ARHGAP15: variants seen among roughly 807,000 people sequenced by gnomAD.
The protein encoded by ARHGAP15 is Rho GTPase activating protein 15.
ARHGAP15 carries 51 observed loss-of-function variants against 63.7 expected under a neutral mutation model. The observed-to-expected ratio is 0.80, with a 90% CI of 0.64 to 1.01. The LOEUF (loss-of-function observed/expected upper bound fraction) is 1.01, where lower values mean the gene tolerates loss of function less well. Ranked by LOEUF, ARHGAP15 falls within the 50% of genes least tolerant of loss-of-function variation. ARHGAP15 has a pLI of 0.00. For missense variants in ARHGAP15, 560 were observed against 564.6 expected (o/e 0.99, Z 0.08); for synonymous variants, 191 against 193.8 (o/e 0.99, Z 0.12).
intron 13 of ARHGAP15, among the ~76,000 whole-genome samples, chr2:143,760,249 AAAAG>A: frequency 6.6e-6 from 1 of 152,320 alleles, no homozygotes; most frequent in East Asian, 1.9e-4. Context: ...TATCATCAAA[AAAAG>A]AAATTAAAGC....
chr2:143,197,816 A>G (rs1015200645), intron 2 of ARHGAP15, among the ~76,000 whole-genome samples: 1 of 152,096 alleles, frequency 6.6e-6, no homozygotes, highest in Admixed American at 6.6e-5. Context: ...GAGTATTAAG[A>G]TGATTCACAA....
At position 143,586,127 on chromosome 2, in the gene ARHGAP15, G is replaced by A. The variant is rs1237871761; in HGVS notation, c.1003+29642G>A. 3.9e-5 allele frequency among the ~76,000 whole-genome samples: 6 copies of A among 152,094 alleles called. No homozygotes were observed. The East Asian group carries it at 9.7e-4, about 25-fold the overall frequency. ...TCAGTGTTGCTGTGAAGTTCTCTGAGGTCATTCCTCCCACCACCACCCCCT... is the reference window on the plus strand; with the variant it reads ...TCAGTGTTGCTGTGAAGTTCTCTGAAGTCATTCCTCCCACCACCACCCCCT... On this transcript the variant is annotated intron_variant, in intron 11 of 13. Coordinates refer to ENST00000295095, the MANE Select transcript of ARHGAP15 (RefSeq NM_018460.4).
At chr2:143,697,655 C>T (rs1683912278) in intron 12 of ARHGAP15, among the ~76,000 whole-genome samples, 1 of 152,122 alleles carries the variant, frequency 6.6e-6, no homozygotes, top group South Asian at 2.1e-4. Flanking sequence ...GCCCCCAGAG[C>T]ATCTCCTCTT....
intron 10 of ARHGAP15, among the ~76,000 whole-genome samples, chr2:143,544,378 G>A (rs1695234681): frequency 6.6e-6 from 1 of 152,036 alleles, no homozygotes; most frequent in South Asian, 2.1e-4. Flanking sequence ...AAACTCATAA[G>A]TATATATTAT....
At chr2:143,711,005 G>A (rs998847306) in intron 13 of ARHGAP15, among the ~76,000 whole-genome samples, 3 of 152,170 alleles carry the variant, frequency 2.0e-5, no homozygotes, top group Non-Finnish European at 4.4e-5. Context: ...CAAAATCAGG[G>A]GTTGGAAAAG....
chr2:143,675,645 T>C (rs546799069), intron 12 of ARHGAP15, among the ~76,000 whole-genome samples: 2 of 152,300 alleles, frequency 1.3e-5, no homozygotes, highest in African/African-American at 4.8e-5. Flanking sequence ...AGTGATCTGC[T>C]TCTCTGAGCA....
At chr2:143,452,096 T>G (rs1408741336) in intron 8 of ARHGAP15, among the ~76,000 whole-genome samples, 1 of 151,980 alleles carries the variant, frequency 6.6e-6, no homozygotes, top group East Asian at 1.9e-4. Context: ...AATATTCAGA[T>G]GAGAACTCAA....
At chr2:143,318,825 A>C (rs1168772794) in intron 6 of ARHGAP15, among the ~76,000 whole-genome samples, 1 of 152,154 alleles carries the variant, frequency 6.6e-6, no homozygotes, top group Non-Finnish European at 1.5e-5. Context: ...TATCTTGACA[A>C]CATTAATGCT....
chr2:143,315,581 G>A (rs116863018), intron 6 of ARHGAP15, among the ~76,000 whole-genome samples: 2,641 of 152,230 alleles, frequency 0.017, 38 homozygotes, highest in South Asian at 0.095. Flanking sequence ...GTGCTCCTGT[G>A]CAGGATGGGA....
chr2:143,601,062 C>T (rs1000782579), intron 11 of ARHGAP15, among the ~76,000 whole-genome samples: 3 of 151,562 alleles, frequency 2.0e-5, no homozygotes, highest in Admixed American at 6.6e-5. Flanking sequence ...TAGTTCTGAA[C>T]GTTTGGCTGA....
chr2:143,729,925 A>G (rs75337073), intron 13 of ARHGAP15, among the ~76,000 whole-genome samples: 12,010 of 152,170 alleles, frequency 0.079, 629 homozygotes, highest in East Asian at 0.27. Flanking sequence ...GGTGAGAGGG[A>G]GAAATCATAA....
At chr2:143,687,110 G>A (rs1010318118) in intron 12 of ARHGAP15, among the ~76,000 whole-genome samples, 1 of 152,074 alleles carries the variant, frequency 6.6e-6, no homozygotes, top group Non-Finnish European at 1.5e-5. Flanking sequence ...AATCAGCTGG[G>A]TAACTATCTT....
At chr2:143,357,682 A>T (rs1685866645) in intron 6 of ARHGAP15, among the ~76,000 whole-genome samples, 1 of 152,224 alleles carries the variant, frequency 6.6e-6, no homozygotes, top group African/African-American at 2.4e-5. Flanking sequence ...AAACAATTTA[A>T]GATTAAGTTG....
Position 143,210,352 on chromosome 2 carries a change from G to A in ARHGAP15, c.235-6032G>A, listed in dbSNP as rs142777190. ...TTGGTGGTGACCAAATGAACACACC[G>A]GTTGCCAGATGAAAGGTTCAGAAAA... On this transcript the variant is annotated intron_variant, in intron 3 of 13. Transcript: ENST00000295095. Among the ~76,000 whole-genome samples, 196 of 151,390 alleles carry A rather than the reference G, an allele frequency of 1.3e-3. 1 individual carries two copies. Among genetic ancestry groups the A allele is most frequent in the African/African-American group, 4.3e-3 (179 of 41,430 alleles).
chr2:143,636,725 T>C (rs1257882896), intron 12 of ARHGAP15, among the ~76,000 whole-genome samples: 1 of 152,136 alleles, frequency 6.6e-6, no homozygotes, highest in Non-Finnish European at 1.5e-5. Flanking sequence ...TTCAATAATT[T>C]ATCATGAATC....
chr2:143,577,239 C>A (rs763161708), intron 11 of ARHGAP15, among the ~76,000 whole-genome samples: 18 of 152,114 alleles, frequency 1.2e-4, no homozygotes, highest in Non-Finnish European at 2.4e-4. Context: ...GTGTACCATT[C>A]CTCATACGAG....
At chr2:143,758,391 CAG>C (rs948418414) in intron 13 of ARHGAP15, among the ~76,000 whole-genome samples, 12 of 151,756 alleles carry the variant, frequency 7.9e-5, no homozygotes, top group Non-Finnish European at 1.3e-4. Context: ...GACTAGGAAA[CAG>C]GGGAGGTTTT....
intron 8 of ARHGAP15, among the ~76,000 whole-genome samples, chr2:143,461,281 CA>C (rs70982868): frequency 1.3e-4 from 7 of 55,052 alleles, no homozygotes; most frequent in South Asian, 1.1e-3. Context: ...CTCTGTCTCT[CA>C]AAAAAAAAAA....
At chr2:143,730,620 A>G (rs1199848855) in intron 13 of ARHGAP15, among the ~76,000 whole-genome samples, 2 of 152,144 alleles carry the variant, frequency 1.3e-5, no homozygotes, top group Non-Finnish European at 2.9e-5. Flanking sequence ...ATAGAGTTCA[A>G]AAGTCAAAAG....
Sources: allele counts gnomAD v4.1 joint callset (sites outside exome capture counted in the v4.1 genomes callset), GRCh38; gene constraint gnomAD v4.1.1; transcripts MANE v1.5; gene names NCBI Gene and HGNC (gene_info 2026-07-23, HGNC 2026-07-21).